Variants in TMCO6 observed in about 807,000 individuals in gnomAD.
TMCO6 encodes transmembrane and coiled-coil domain-containing protein 6.
In TMCO6, 47 loss-of-function variants were observed where a neutral mutation model predicts 61.8. The ratio of observed to expected loss-of-function variants is 0.76; its 90% confidence interval spans 0.60 to 0.97. The LOEUF (loss-of-function observed/expected upper bound fraction) is 0.97, where lower values mean the gene tolerates loss of function less well. Among genes scored for constraint, TMCO6 ranks in the 50% least tolerant of loss-of-function variants. The pLI is 0.00. For synonymous variants in TMCO6, 261 were observed against 254.2 expected (o/e 1.03, Z -0.25); for missense variants, 557 against 601.6 (o/e 0.93, Z 0.78).
At position 140,642,921 on chromosome 5, in the gene TMCO6, G is replaced by A. The variant is rs755656579; in HGVS notation, c.690-4G>A. 5.0e-6 allele frequency: 8 copies of A among 1,614,012 alleles called. No individual in the cohort carries two copies. Among genetic ancestry groups the A allele is most frequent in the Non-Finnish European group, 6.8e-6 (8 of 1,180,040 alleles). ...CCTACTTACAGCCCTGCTTCTGCCA[G>A]CAGCTCCATCTTGGCCTCCACTCTC... On this transcript the variant is annotated splice_region_variant and splice_polypyrimidine_tract_variant and intron_variant, in intron 6 of 11. Transcript: ENST00000394671.
chr5:140,596,656 C>A, the TMCO6 span, among the ~76,000 whole-genome samples: 1 of 152,016 alleles, frequency 6.6e-6, no homozygotes, highest in Non-Finnish European at 1.5e-5. Context: ...GCTGGAACAG[C>A]CTGGGCTCTG....
chr5:140,609,775 C>T, the TMCO6 span, among the ~76,000 whole-genome samples: 391 of 152,128 alleles, frequency 2.6e-3, no homozygotes, highest in African/African-American at 9.1e-3. Flanking sequence ...CTTTCAACAA[C>T]ATTTTGTAGT....
At chr5:140,622,812 G>A in the TMCO6 span, among the ~76,000 whole-genome samples, 1 of 151,796 alleles carries the variant, frequency 6.6e-6, no homozygotes, top group Non-Finnish European at 1.5e-5. Context: ...AAAACTACAA[G>A]CAAGCATCTG....
chr5:140,630,603 G>A, the TMCO6 span, among the ~76,000 whole-genome samples: 2 of 152,206 alleles, frequency 1.3e-5, no homozygotes, highest in African/African-American at 2.4e-5. Context: ...AGTGTGATCA[G>A]AGCTATTCAA....
chr5:140,632,458 T>C, the TMCO6 span: 4 of 1,614,142 alleles, frequency 2.5e-6, no homozygotes, highest in African/African-American at 4.0e-5. The surrounding 1 kb of genome is among the most constrained non-coding windows in gnomAD (Gnocchi z 6.2). Flanking sequence ...TGGGCAATGC[T>C]CAGTACCTTG....
chr5:140,632,010 G>A, the TMCO6 span: 1 of 1,614,094 alleles, frequency 6.2e-7, no homozygotes, highest in Non-Finnish European at 8.5e-7. This position sits in a 1 kb window ranked among gnomAD's most constrained non-coding sequence, Gnocchi z 6.2. Flanking sequence ...CCCGTCCAGT[G>A]TCAGGTTATC....
At chr5:140,639,056 T>A (rs1756855430), upstream of TMCO6, 1 of 165,562 alleles carries the variant, frequency 6.0e-6, no homozygotes, top group Non-Finnish European at 1.3e-5. Context: ...GACAATTCAA[T>A]GACGCTTCAA....
chr5:140,620,253 C>G, the TMCO6 span, among the ~76,000 whole-genome samples: 3 of 152,180 alleles, frequency 2.0e-5, no homozygotes, highest in Non-Finnish European at 4.4e-5. Context: ...ATCCATATTA[C>G]TAAGTGAAAG....
chr5:140,624,923 G>A, the TMCO6 span, among the ~76,000 whole-genome samples: 1 of 139,230 alleles, frequency 7.2e-6, no homozygotes, highest in Non-Finnish European at 1.5e-5. Context: ...GCATGATCTT[G>A]GCTCACTGCA....
the TMCO6 span, among the ~76,000 whole-genome samples, chr5:140,599,653 C>T: frequency 1.2e-4 from 18 of 152,208 alleles, no homozygotes; most frequent in African/African-American, 4.3e-4. Flanking sequence ...ATAATCCCAG[C>T]ACTTTGGGAG....
upstream of TMCO6, among the ~76,000 whole-genome samples, chr5:140,637,567 G>A (rs148257951): frequency 5.0e-4 from 76 of 152,220 alleles, no homozygotes; most frequent in East Asian, 0.014. Context: ...AATTAAACCC[G>A]AGTGACCGTT....
the TMCO6 span, among the ~76,000 whole-genome samples, chr5:140,607,327 CA>C: frequency 6.6e-6 from 1 of 152,180 alleles, no homozygotes; most frequent in Non-Finnish European, 1.5e-5. Context: ...TTTCACTTAG[CA>C]TAATGTTGTC....
At chr5:140,640,321 C>G (rs1756937438) in intron 2 of TMCO6, among the ~76,000 whole-genome samples, 1 of 152,106 alleles carries the variant, frequency 6.6e-6, no homozygotes, top group Admixed American at 6.5e-5. Flanking sequence ...AACGATATAT[C>G]GGATTTGTGT....
the TMCO6 span, among the ~76,000 whole-genome samples, chr5:140,599,153 A>G: frequency 1.1e-3 from 167 of 152,292 alleles, no homozygotes; most frequent in Non-Finnish European, 8.8e-5. Flanking sequence ...CAAAGGGTGC[A>G]AGAGGAATAT....
chr5:140,643,143 C>T, intron 7 of TMCO6, 102 bp downstream of exon 7: 2 of 1,510,420 alleles, frequency 1.3e-6, no homozygotes, highest in East Asian at 2.3e-5. Context: ...AGTGAGTTTT[C>T]CTCCCTCCAC....
the TMCO6 span, chr5:140,632,293 T>C: frequency 1.2e-6 from 2 of 1,613,976 alleles, no homozygotes; most frequent in African/African-American, 1.3e-5. This position sits in a 1 kb window ranked among gnomAD's most constrained non-coding sequence, Gnocchi z 6.2. Context: ...ATTCCTGTGT[T>C]GCGCAGCGCT....
At chr5:140,633,719 G>A in the TMCO6 span, 51 of 152,350 alleles carry the variant, frequency 3.3e-4, no homozygotes, top group South Asian at 9.3e-3. Context: ...AGAAAAGGAA[G>A]TTGGTCTAAA....
chr5:140,635,565 C>T (rs1482831395), upstream of TMCO6, among the ~76,000 whole-genome samples: 3 of 152,166 alleles, frequency 2.0e-5, no homozygotes. Context: ...GCAAAGATCT[C>T]CAACTCACAG....
chr5:140,624,845 T>C, the TMCO6 span, among the ~76,000 whole-genome samples: 2 of 116,492 alleles, frequency 1.7e-5, no homozygotes, highest in Non-Finnish European at 3.4e-5. Flanking sequence ...CATTTCTTTC[T>C]TTCTTTCTTT....
Sources: gnomAD v4.1 joint callset for allele counts (sites outside exome capture counted in the v4.1 genomes callset) on GRCh38, gnomAD v4.1.1 for gene constraint, Gnocchi (gnomAD v3.1) non-coding constraint, MANE v1.5 for transcripts, NCBI Gene and HGNC (gene_info 2026-07-23, HGNC 2026-07-21) for gene names.